Variants in CSMD3 observed in about 807,000 individuals in gnomAD.
The protein encoded by CSMD3 is CUB and sushi domain-containing protein 3.
A neutral mutation model predicts 435.2 loss-of-function variants in CSMD3; 177 were observed. That is an observed-to-expected ratio of 0.41 (90% confidence interval 0.36 to 0.46). CSMD3 has a LOEUF of 0.46. Ranked by LOEUF, CSMD3 falls within the 20% of genes least tolerant of loss-of-function variation. The pLI is 0.34. For synonymous variants in CSMD3, 1,656 were observed against 1,520.5 expected, an observed-to-expected ratio of 1.09 and a Z score of -2.07; for missense variants, 4,265 against 4,504.6, an observed-to-expected ratio of 0.95 and a Z score of 1.52.
intron 1 of CSMD3, among the ~76,000 whole-genome samples, chr8:113,416,479 A>G (rs1194859698): frequency 6.6e-6 from 1 of 152,132 alleles, no homozygotes; most frequent in Non-Finnish European, 1.5e-5. Flanking sequence ...AGATTCATCC[A>G]TGATGTGGAA....
intron 13 of CSMD3, among the ~76,000 whole-genome samples, chr8:112,725,496 A>G (rs1415706719): frequency 6.6e-6 from 1 of 151,960 alleles, no homozygotes; most frequent in Admixed American, 6.6e-5. Flanking sequence ...AAATTGTCCC[A>G]TAGTAGTTCA....
chr8:113,145,162 G>C (rs1173390054), intron 4 of CSMD3, among the ~76,000 whole-genome samples: 7 of 151,498 alleles, frequency 4.6e-5, no homozygotes, highest in Non-Finnish European at 1.0e-4. Flanking sequence ...GGGTGTTGGG[G>C]AGTGGTAGGA....
chr8:113,143,334 G>A (rs1038187049), intron 4 of CSMD3, among the ~76,000 whole-genome samples: 5 of 151,302 alleles, frequency 3.3e-5, no homozygotes, highest in Admixed American at 6.6e-5. Flanking sequence ...ATAACAGAGA[G>A]AATGCAAGGA....
intron 2 of CSMD3, among the ~76,000 whole-genome samples, chr8:113,293,344 G>T (rs2093698896): frequency 6.6e-6 from 1 of 151,938 alleles, no homozygotes; most frequent in East Asian, 1.9e-4. Flanking sequence ...GAAGTGGAGA[G>T]AAGCTATTAT....
intron 16 of CSMD3, among the ~76,000 whole-genome samples, chr8:112,671,241 CTTGT>C (rs887818620): frequency 3.3e-5 from 5 of 151,956 alleles, no homozygotes; most frequent in African/African-American, 7.2e-5. Flanking sequence ...GTTTAGAAAA[CTTGT>C]TTGTTTTTTT....
At chr8:112,990,157 A>G (rs1445887047) in intron 6 of CSMD3, among the ~76,000 whole-genome samples, 1 of 151,982 alleles carries the variant, frequency 6.6e-6, no homozygotes, top group Non-Finnish European at 1.5e-5. Context: ...ATACGTCTTT[A>G]TTAGCAGCAT....
chr8:113,126,018 G>A (rs1171634314), intron 4 of CSMD3, among the ~76,000 whole-genome samples: 2 of 151,896 alleles, frequency 1.3e-5, no homozygotes, highest in African/African-American at 2.4e-5. Context: ...ACTTAAAGAT[G>A]CAATAAATTA....
intron 4 of CSMD3, among the ~76,000 whole-genome samples, chr8:113,152,461 A>G (rs2091830765): frequency 6.6e-6 from 1 of 152,056 alleles, no homozygotes; most frequent in African/African-American, 2.4e-5. Context: ...GAACACCTGC[A>G]TCCGTATGTC....
At chr8:112,603,814 C>A (rs1343743142) in intron 22 of CSMD3, among the ~76,000 whole-genome samples, 2 of 151,888 alleles carry the variant, frequency 1.3e-5, no homozygotes, top group African/African-American at 4.8e-5. Flanking sequence ...TATTAGTGAA[C>A]CTAAATAGTT....
At chr8:112,836,343 T>A (rs898113883) in intron 11 of CSMD3, among the ~76,000 whole-genome samples, 1 of 151,818 alleles carries the variant, frequency 6.6e-6, no homozygotes, top group African/African-American at 2.4e-5. Context: ...ACCCTTGACC[T>A]TTTCTTCTCA....
At chr8:112,324,969 C>A (rs1390337623) in intron 45 of CSMD3, among the ~76,000 whole-genome samples, 1 of 152,074 alleles carries the variant, frequency 6.6e-6, no homozygotes, top group Non-Finnish European at 1.5e-5. Context: ...AATTAAAAGT[C>A]TTGATTATGA....
At chr8:112,863,118 T>C (rs1035597923) in intron 10 of CSMD3, among the ~76,000 whole-genome samples, 1 of 152,076 alleles carries the variant, frequency 6.6e-6, no homozygotes, top group Non-Finnish European at 1.5e-5. Context: ...CCCTTTTATA[T>C]GTGCTACAAA....
chr8:112,703,968 T>C (rs2076444870), intron 13 of CSMD3, among the ~76,000 whole-genome samples: 1 of 152,094 alleles, frequency 6.6e-6, no homozygotes, highest in Non-Finnish European at 1.5e-5. Flanking sequence ...ATGCCTCAGA[T>C]TGAGTACAAC....
At position 113,201,772 on chromosome 8, in the gene CSMD3, C is replaced by T. The variant is rs1051524601; in HGVS notation, c.515-27856G>A. Among the ~76,000 whole-genome samples the T allele has an allele frequency of 2.0e-5, 3 of 151,766 alleles. No homozygotes were observed. In the East Asian group the frequency reaches 5.8e-4, roughly 29 times the overall value. On this transcript the variant is annotated intron_variant, in intron 3 of 70. Transcript: ENST00000297405. ...GCAGGAAGTTTATTTCTAATTTATC[C>T]CATGTAAATCAGAGTATTGCATGAT...
chr8:112,690,590 C>T (rs917329902), intron 13 of CSMD3, among the ~76,000 whole-genome samples: 3 of 144,072 alleles, frequency 2.1e-5, no homozygotes, highest in African/African-American at 5.2e-5. Flanking sequence ...CAACTAGACC[C>T]CCCCCCCCAA....
intron 38 of CSMD3, among the ~76,000 whole-genome samples, chr8:112,355,360 T>TGCAACAA (rs1826494901): frequency 6.6e-6 from 1 of 152,136 alleles, no homozygotes; most frequent in Admixed American, 6.5e-5. Context: ...AAGACCTAAT[T>TGCAACAA]AAACTACAGA....
At chr8:112,552,100 GAC>G (rs1827733346) in intron 26 of CSMD3, among the ~76,000 whole-genome samples, 1 of 151,896 alleles carries the variant, frequency 6.6e-6, no homozygotes, top group Non-Finnish European at 1.5e-5. Context: ...TGTGTTTAGG[GAC>G]AAGGACAACA....
intron 3 of CSMD3, among the ~76,000 whole-genome samples, chr8:113,178,979 A>G (rs1446321734): frequency 6.6e-6 from 1 of 151,854 alleles, no homozygotes; most frequent in African/African-American, 2.4e-5. Context: ...ATTGAGAGTA[A>G]ATAATTAAAA....
chr8:113,039,379 G>T (rs1214511831), intron 5 of CSMD3, among the ~76,000 whole-genome samples: 1 of 151,998 alleles, frequency 6.6e-6, no homozygotes, highest in Non-Finnish European at 1.5e-5. Context: ...TTAATTAAAT[G>T]GGTTGCTTAC....
Sources: gnomAD v4.1 joint callset for allele counts (sites outside exome capture counted in the v4.1 genomes callset) on GRCh38, gnomAD v4.1.1 for gene constraint, MANE v1.5 for transcripts, NCBI Gene and HGNC (gene_info 2026-07-23, HGNC 2026-07-21) for gene names.